The following BMPR1B variants were observed in gnomAD, a reference collection of about 807,000 sequenced individuals.
The protein encoded by BMPR1B is bone morphogenetic protein receptor type-1B.
In BMPR1B, 12 loss-of-function variants were observed where a neutral mutation model predicts 59.1. The observed-to-expected ratio is 0.20, with a 90% CI of 0.13 to 0.33. The LOEUF is 0.33. BMPR1B is among the 10% of genes least tolerant of loss of function. BMPR1B has a pLI of 1.00. For missense variants in BMPR1B, 550 were observed against 610.9 expected, an observed-to-expected ratio of 0.90 and a Z score of 1.05; for synonymous variants, 237 against 207.3, an observed-to-expected ratio of 1.14 and a Z score of -1.23.
At chr4:95,022,906 A>C (rs1447239044) in intron 3 of BMPR1B, among the ~76,000 whole-genome samples, 1 of 152,190 alleles carries the variant, frequency 6.6e-6, no homozygotes, top group Admixed American at 6.6e-5. Context: ...TGTAAGAAAG[A>C]CTGTGCTGTG....
At chr4:95,061,158 TAAACAC>T (rs1220184700) in intron 3 of BMPR1B, among the ~76,000 whole-genome samples, 4 of 92,544 alleles carry the variant, frequency 4.3e-5, no homozygotes, top group Non-Finnish European at 8.1e-5. Context: ...TGATTTAGAA[TAAACAC>T]ACACACACAC....
intron 1 of BMPR1B, among the ~76,000 whole-genome samples, chr4:94,870,334 G>T (rs1419294663): frequency 4.2e-5 from 6 of 143,298 alleles, no homozygotes; most frequent in African/African-American, 1.8e-4. Flanking sequence ...GTGTCTTGCT[G>T]GTTGGAGCTC....
intron 1 of BMPR1B, among the ~76,000 whole-genome samples, chr4:94,786,025 A>G (rs1255000005): frequency 2.0e-5 from 3 of 152,200 alleles, no homozygotes; most frequent in African/African-American, 7.2e-5. Context: ...TGAATTGCTT[A>G]AGTAGCATCT....
chr4:95,076,920 A>C (rs905578907), intron 3 of BMPR1B, among the ~76,000 whole-genome samples: 16 of 152,180 alleles, frequency 1.1e-4, no homozygotes, highest in Admixed American at 8.5e-4. Flanking sequence ...GAATCAGTTC[A>C]TGAAGAACAT....
At chr4:94,988,366 G>A (rs1161433245) in intron 2 of BMPR1B, among the ~76,000 whole-genome samples, 1 of 151,878 alleles carries the variant, frequency 6.6e-6, no homozygotes, top group Non-Finnish European at 1.5e-5. Flanking sequence ...TTGATATTCT[G>A]GATGCTTTTC....
At chr4:94,808,304 T>C (rs979721973) in intron 1 of BMPR1B, among the ~76,000 whole-genome samples, 8 of 152,246 alleles carry the variant, frequency 5.3e-5, no homozygotes, top group Non-Finnish European at 1.0e-4. Context: ...TGGTAGTTTT[T>C]AGGTATTTTA....
chr4:95,053,449 A>G (rs903459100), intron 3 of BMPR1B, among the ~76,000 whole-genome samples: 2 of 152,078 alleles, frequency 1.3e-5, no homozygotes, highest in Non-Finnish European at 1.5e-5. Context: ...ACTCAAATGA[A>G]TTATCTTATT....
At chr4:94,879,712 T>C (rs937509310) in intron 2 of BMPR1B, among the ~76,000 whole-genome samples, 1 of 152,210 alleles carries the variant, frequency 6.6e-6, no homozygotes, top group East Asian at 1.9e-4. Flanking sequence ...TAAATTTTTT[T>C]CCCCATTATT....
At chr4:94,938,152 T>C (rs1298106205) in intron 2 of BMPR1B, among the ~76,000 whole-genome samples, 1 of 152,176 alleles carries the variant, frequency 6.6e-6, no homozygotes, top group Non-Finnish European at 1.5e-5. Flanking sequence ...CTGAGATCTC[T>C]AGCTAGTCAT....
intron 1 of BMPR1B, among the ~76,000 whole-genome samples, chr4:94,833,266 T>C (rs1724674429): frequency 6.6e-6 from 1 of 151,596 alleles, no homozygotes; most frequent in Non-Finnish European, 1.5e-5. Flanking sequence ...AAAAGATTAA[T>C]TAATACAAAG....
intron 3 of BMPR1B, among the ~76,000 whole-genome samples, chr4:95,069,956 G>A (rs1579025892): frequency 6.6e-6 from 1 of 152,078 alleles, no homozygotes; most frequent in African/African-American, 2.4e-5. Context: ...AAAATTAGCC[G>A]GGCATGGTGG....
At chr4:94,953,084 C>G (rs1252662788) in intron 2 of BMPR1B, among the ~76,000 whole-genome samples, 4 of 151,794 alleles carry the variant, frequency 2.6e-5, no homozygotes, top group South Asian at 2.1e-4. Context: ...ATTGCAACCC[C>G]TGCTTTTTTT....
chr4:94,921,050 A>C (rs545829947), intron 2 of BMPR1B, among the ~76,000 whole-genome samples: 2 of 152,282 alleles, frequency 1.3e-5, no homozygotes, highest in African/African-American at 4.8e-5. Flanking sequence ...TAATAAAAGT[A>C]ACTTTTTCTG....
At chr4:94,995,168 C>T (rs1721982051) in intron 2 of BMPR1B, among the ~76,000 whole-genome samples, 1 of 152,054 alleles carries the variant, frequency 6.6e-6, no homozygotes. Flanking sequence ...ACCTGCAAAC[C>T]ATGTACTGTA....
At chr4:94,762,269 G>C (rs780877560) in intron 1 of BMPR1B, among the ~76,000 whole-genome samples, 1 of 152,178 alleles carries the variant, frequency 6.6e-6, no homozygotes, top group Non-Finnish European at 1.5e-5. Flanking sequence ...CATTGAACTT[G>C]TAGAGAGTGA....
intron 2 of BMPR1B, among the ~76,000 whole-genome samples, chr4:94,914,487 G>A (rs911966232): frequency 3.3e-5 from 5 of 152,108 alleles, no homozygotes; most frequent in African/African-American, 1.2e-4. Flanking sequence ...TTAATTGAGT[G>A]ATCAGAGGGC....
intron 3 of BMPR1B, among the ~76,000 whole-genome samples, chr4:95,050,814 T>G (rs938447424): frequency 3.3e-5 from 5 of 152,196 alleles, no homozygotes; most frequent in Non-Finnish European, 7.4e-5. Context: ...CATTTATCTT[T>G]CTTGGTGTTC....
At chr4:95,140,158 C>T (rs1418960925) in intron 10 of BMPR1B, among the ~76,000 whole-genome samples, 2 of 152,150 alleles carry the variant, frequency 1.3e-5, no homozygotes, top group African/African-American at 2.4e-5. Context: ...ATGTAGTCAT[C>T]ATTGACTACT....
At chr4:95,039,836 C>T (rs7676559) in intron 3 of BMPR1B, among the ~76,000 whole-genome samples, 2,795 of 152,214 alleles carry the variant, frequency 0.018, 88 homozygotes, top group African/African-American at 0.062. Context: ...GACAGTTCCC[C>T]CAGTATGGCC....
Sources: allele counts gnomAD v4.1 joint callset (sites outside exome capture counted in the v4.1 genomes callset), GRCh38; gene constraint gnomAD v4.1.1; transcripts MANE v1.5; gene names NCBI Gene and HGNC (gene_info 2026-07-23, HGNC 2026-07-21).